Variants in MAGI1 observed in about 807,000 individuals in gnomAD.
MAGI1 encodes the protein membrane-associated guanylate kinase, WW and PDZ domain-containing protein 1.
Under a neutral mutation model 139.9 loss-of-function variants are expected in MAGI1, and 58 were observed. That is an observed-to-expected ratio of 0.41 (90% CI 0.34 to 0.52). MAGI1 has a LOEUF of 0.52. Ranked by LOEUF, MAGI1 falls within the 20% of genes least tolerant of loss-of-function variation. The probability of loss-of-function intolerance (pLI) is 0.12; values close to 1 mark genes in which losing one functional copy is unlikely to be tolerated. For synonymous variants in MAGI1, 812 were observed against 737.9 expected, an observed-to-expected ratio of 1.10 and a Z score of -1.63; for missense variants, 1,874 against 1,901.6, an observed-to-expected ratio of 0.99 and a Z score of 0.27.
intron 3 of MAGI1, among the ~76,000 whole-genome samples, chr3:65,488,369 CT>C (rs1292131820): frequency 6.6e-6 from 1 of 152,042 alleles, no homozygotes; most frequent in Non-Finnish European, 1.5e-5. Context: ...CAGGGTCTCA[CT>C]TTGTCACCCA....
intron 1 of MAGI1, among the ~76,000 whole-genome samples, chr3:65,758,813 T>C (rs17073699): frequency 0.017 from 2,584 of 152,220 alleles, 67 homozygotes; most frequent in African/African-American, 0.059. Context: ...GGGCAGTGTT[T>C]CTCAAAAACG....
chr3:65,732,715 A>C (rs1387921448), intron 1 of MAGI1, among the ~76,000 whole-genome samples: 3 of 152,240 alleles, frequency 2.0e-5, no homozygotes, highest in African/African-American at 7.2e-5. Flanking sequence ...GCTACAGATT[A>C]TACATCACAA....
chr3:65,573,311 T>C (rs1407699735), intron 2 of MAGI1, among the ~76,000 whole-genome samples: 1 of 151,952 alleles, frequency 6.6e-6, no homozygotes. Flanking sequence ...AAATAAAAAT[T>C]TAACCAATCA....
At chr3:65,713,622 C>A (rs371714230) in intron 1 of MAGI1, among the ~76,000 whole-genome samples, 20 of 152,100 alleles carry the variant, frequency 1.3e-4, no homozygotes, top group African/African-American at 4.3e-4. Context: ...TAGTTAAGCA[C>A]AAGGCTTAAG....
At chr3:65,767,118 T>C (rs1368819213) in intron 1 of MAGI1, among the ~76,000 whole-genome samples, 1 of 152,216 alleles carries the variant, frequency 6.6e-6, no homozygotes, top group South Asian at 2.1e-4. Flanking sequence ...ACACATGTTC[T>C]GTCTGGCTAG....
chr3:65,957,324 G>A (rs138889136), intron 1 of MAGI1, among the ~76,000 whole-genome samples: 1 of 127,222 alleles, frequency 7.9e-6, no homozygotes, highest in African/African-American at 3.1e-5. Flanking sequence ...GACCTGCCTG[G>A]ATAACATGGC....
At chr3:65,802,498 A>G (rs2040576510) in intron 1 of MAGI1, among the ~76,000 whole-genome samples, 1 of 152,200 alleles carries the variant, frequency 6.6e-6, no homozygotes, top group African/African-American at 2.4e-5. Flanking sequence ...AAAAATAAAA[A>G]GTCCTTTAGA....
At chr3:65,948,135 G>A (rs2063632030) in intron 1 of MAGI1, among the ~76,000 whole-genome samples, 1 of 150,956 alleles carries the variant, frequency 6.6e-6, no homozygotes, top group African/African-American at 2.4e-5. Context: ...GTAGAGACGG[G>A]GTTTCACCAT....
At chr3:65,997,934 G>GT (rs1476626243) in intron 1 of MAGI1, among the ~76,000 whole-genome samples, 1 of 151,924 alleles carries the variant, frequency 6.6e-6, no homozygotes, top group African/African-American at 2.4e-5. Context: ...CAAGGTGGGT[G>GT]TATCACTTGA....
intron 1 of MAGI1, among the ~76,000 whole-genome samples, chr3:65,830,736 G>T (rs771025443): frequency 4.7e-4 from 72 of 152,110 alleles, no homozygotes; most frequent in Non-Finnish European, 6.5e-4. Context: ...GGGACTGCTT[G>T]CCCAAACTTT....
chr3:65,921,595 C>T (rs1284861533), intron 1 of MAGI1, among the ~76,000 whole-genome samples: 1 of 152,128 alleles, frequency 6.6e-6, no homozygotes, highest in Non-Finnish European at 1.5e-5. Context: ...TAGGCATGAG[C>T]CACCGTGCCC....
chr3:65,579,106 T>C (rs968746711), intron 2 of MAGI1, among the ~76,000 whole-genome samples: 20 of 152,120 alleles, frequency 1.3e-4, no homozygotes, highest in African/African-American at 4.8e-4. Flanking sequence ...TTCATACACA[T>C]ATCCATTGTG....
At chr3:66,025,273 C>A (rs370745949) in intron 1 of MAGI1, among the ~76,000 whole-genome samples, 1 of 151,842 alleles carries the variant, frequency 6.6e-6, no homozygotes, top group African/African-American at 2.4e-5. Context: ...GCACAGTGGC[C>A]CACGCCTGTA....
intron 1 of MAGI1, among the ~76,000 whole-genome samples, chr3:65,979,091 C>A (rs56406746): frequency 9.8e-6 from 1 of 102,254 alleles, no homozygotes; most frequent in African/African-American, 4.0e-5. Context: ...CTTTTCTTCC[C>A]CCCCCCCGCC....
intron 12 of MAGI1, among the ~76,000 whole-genome samples, chr3:65,411,117 T>C (rs1028292201): frequency 6.6e-6 from 1 of 152,186 alleles, no homozygotes; most frequent in Non-Finnish European, 1.5e-5. Context: ...GTAATATTCC[T>C]ACCAAGATCT....
chr3:65,847,577 C>T (rs541575588), intron 1 of MAGI1, among the ~76,000 whole-genome samples: 1 of 152,130 alleles, frequency 6.6e-6, no homozygotes, highest in Non-Finnish European at 1.5e-5. Context: ...ATATATTTAT[C>T]AATGTGTATG....
chr3:65,966,704 C>A (rs886395238), intron 1 of MAGI1, among the ~76,000 whole-genome samples: 5 of 152,104 alleles, frequency 3.3e-5, no homozygotes, highest in African/African-American at 1.2e-4. Flanking sequence ...CTGCTAATTA[C>A]GAGGCATCAG....
intron 1 of MAGI1, among the ~76,000 whole-genome samples, chr3:65,929,638 A>G (rs2062698600): frequency 6.6e-6 from 1 of 152,096 alleles, no homozygotes; most frequent in African/African-American, 2.4e-5. Context: ...CAGCCAAGGA[A>G]GATTTTTACG....
chr3:65,842,362 CTTT>C (rs10711015), intron 1 of MAGI1, among the ~76,000 whole-genome samples: 13 of 142,452 alleles, frequency 9.1e-5, no homozygotes, highest in East Asian at 4.2e-4. Flanking sequence ...TAAATGTGTA[CTTT>C]TTTTTTTTTT....
Sources: gnomAD v4.1 joint callset for allele counts (sites outside exome capture counted in the v4.1 genomes callset) on GRCh38, gnomAD v4.1.1 for gene constraint, MANE v1.5 for transcripts, NCBI Gene and HGNC (gene_info 2026-07-23, HGNC 2026-07-21) for gene names.